Variants in PIK3CB observed in about 807,000 individuals in gnomAD.
PIK3CB encodes the protein phosphatidylinositol 4,5-bisphosphate 3-kinase catalytic subunit beta isoform.
In PIK3CB, 39 loss-of-function variants were observed where a neutral mutation model predicts 136.8. The observed-to-expected ratio is 0.29, with a 90% confidence interval of 0.22 to 0.37. The LOEUF (loss-of-function observed/expected upper bound fraction) is 0.37, where lower values mean the gene tolerates loss of function less well. Ranked by LOEUF, PIK3CB falls within the 10% of genes least tolerant of loss-of-function variation. The pLI is 1.00. For synonymous variants in PIK3CB, 428 were observed against 436.6 expected (o/e 0.98, Z 0.25); for missense variants, 868 against 1,275.4 (o/e 0.68, Z 4.87).
At chr3:138,743,423 G>T (rs554081576) in intron 4 of PIK3CB, among the ~76,000 whole-genome samples, 2 of 152,130 alleles carry the variant, frequency 1.3e-5, no homozygotes, top group South Asian at 4.2e-4. Flanking sequence ...TTTTTAAATG[G>T]TTATCATATA....
At chr3:138,783,090 C>T (rs2045939031) in intron 2 of PIK3CB, among the ~76,000 whole-genome samples, 2 of 152,200 alleles carry the variant, frequency 1.3e-5, no homozygotes, top group South Asian at 4.1e-4. Flanking sequence ...TCATTCACTC[C>T]TGCTGAAGCT....
chr3:138,678,437 CT>C (rs2108467325), intron 19 of PIK3CB, among the ~76,000 whole-genome samples: 1 of 151,732 alleles, frequency 6.6e-6, no homozygotes, highest in Admixed American at 6.6e-5. Context: ...TTTAAAACCC[CT>C]ATCAATCCAA....
intron 1 of PIK3CB, among the ~76,000 whole-genome samples, chr3:138,831,504 T>C (rs1230276525): frequency 6.6e-6 from 1 of 151,914 alleles, no homozygotes; most frequent in Non-Finnish European, 1.5e-5. Flanking sequence ...AAGAATTGTT[T>C]GAACCGGGGA....
At chr3:138,752,382 G>A (rs1353451857) in intron 4 of PIK3CB, among the ~76,000 whole-genome samples, 1 of 152,088 alleles carries the variant, frequency 6.6e-6, no homozygotes, top group African/African-American at 2.4e-5. Flanking sequence ...TTTCCCAGGA[G>A]GCATGGCCTC....
chr3:138,785,855 T>C (rs2045976798), intron 2 of PIK3CB, among the ~76,000 whole-genome samples: 1 of 150,746 alleles, frequency 6.6e-6, no homozygotes, highest in Non-Finnish European at 1.5e-5. Flanking sequence ...AATGCTTATC[T>C]GAGGATATGA....
intron 16 of PIK3CB, among the ~76,000 whole-genome samples, chr3:138,686,686 G>GAAA: frequency 6.6e-6 from 1 of 152,164 alleles, no homozygotes; most frequent in South Asian, 2.1e-4. Flanking sequence ...AATGTGGCTT[G>GAAA]AAATTCCATG....
At chr3:138,825,553 C>A in intron 1 of PIK3CB, 2 of 649,656 alleles carry the variant, frequency 3.1e-6, no homozygotes, top group Middle Eastern at 4.4e-4. Context: ...CATGCTGAAG[C>A]CAAGTGATAA....
intron 8 of PIK3CB, among the ~76,000 whole-genome samples, chr3:138,717,548 T>C (rs1053513376): frequency 6.6e-5 from 10 of 152,090 alleles, no homozygotes; most frequent in Admixed American, 5.9e-4. Context: ...TTTTAAACTT[T>C]CATTTTAGGT....
At chr3:138,806,336 A>C (rs947231616) in intron 1 of PIK3CB, among the ~76,000 whole-genome samples, 1 of 152,054 alleles carries the variant, frequency 6.6e-6, no homozygotes, top group Non-Finnish European at 1.5e-5. Flanking sequence ...AAATACAAAA[A>C]TTAGCCAGGT....
chr3:138,798,164 C>CT (rs925701804), intron 1 of PIK3CB, among the ~76,000 whole-genome samples: 5 of 151,776 alleles, frequency 3.3e-5, no homozygotes, highest in South Asian at 2.1e-4. Context: ...ATTTATTTAT[C>CT]TTTTTTTTCT....
chr3:138,728,635 C>A (rs1039962947), intron 8 of PIK3CB, among the ~76,000 whole-genome samples: 1 of 151,804 alleles, frequency 6.6e-6, no homozygotes, highest in Non-Finnish European at 1.5e-5. Flanking sequence ...AAAACATTAG[C>A]CAGGCATGGT....
At chr3:138,832,040 C>T (rs1934061616) in intron 1 of PIK3CB, among the ~76,000 whole-genome samples, 1 of 152,220 alleles carries the variant, frequency 6.6e-6, no homozygotes, top group Non-Finnish European at 1.5e-5. Context: ...AGCCTTTTCA[C>T]AGTGGCTAGC....
chr3:138,825,861 A>G, intron 1 of PIK3CB: 2 of 1,400,244 alleles, frequency 1.4e-6, no homozygotes, highest in Admixed American at 1.9e-5. Flanking sequence ...CCTGCAGACA[A>G]TGTGGACTTC....
chr3:138,766,214 A>AT (rs2108752096), intron 2 of PIK3CB, among the ~76,000 whole-genome samples: 1 of 152,258 alleles, frequency 6.6e-6, no homozygotes, highest in African/African-American at 2.4e-5. Flanking sequence ...TAAAACTGCT[A>AT]TTTTCAGGAT....
rs2043147309 is a variant in PIK3CB at position 138,653,527 on chromosome 3, C to T, written c.*1862G>A. ...TGGCAGTGTTCACCATTCTCCAAACCACTGACCTGCGGCCTGGTTCATGAA... is the reference window on the plus strand; with the variant it reads ...TGGCAGTGTTCACCATTCTCCAAACTACTGACCTGCGGCCTGGTTCATGAA... On this transcript the variant is annotated 3_prime_UTR_variant, in exon 24 of 24. Coordinates refer to ENST00000674063, the MANE Select transcript of PIK3CB (RefSeq NM_006219.3). The T allele has an allele frequency of 5.5e-6, 1 of 181,886 alleles. No individual in the cohort carries two copies. Among genetic ancestry groups the T allele is most frequent in the African/African-American group, 2.4e-5 (1 of 42,428 alleles). The allele number at this position is 181,886 out of a possible 1,614,324, so 11.3% of individuals were successfully genotyped here.
rs541152307 is a variant in PIK3CB at position 138,690,357 on chromosome 3, G to A, written c.2036+643C>T. On this transcript the variant is annotated intron_variant, in intron 15 of 23. Transcript: ENST00000674063. ...AGCACTATGAAGTCCAGATTGGGAGGGAAAAAAAATGTCTGAGTACAGAGT... is the reference window on the plus strand; with the variant it reads ...AGCACTATGAAGTCCAGATTGGGAGAGAAAAAAAATGTCTGAGTACAGAGT... 3.1e-4 allele frequency among the ~76,000 whole-genome samples: 47 copies of A among 151,142 alleles called. No homozygotes were observed. In the South Asian group the frequency reaches 9.4e-3, roughly 30 times the overall value.
intron 10 of PIK3CB, 50 bp downstream of exon 10, chr3:138,712,158 G>T: frequency 1.2e-6 from 1 of 864,730 alleles, no homozygotes. Context: ...TAGTCCACAT[G>T]CCAAAAGTTA....
chr3:138,744,420 AAAGG>A (rs1559856891), intron 4 of PIK3CB, among the ~76,000 whole-genome samples: 10 of 146,154 alleles, frequency 6.8e-5, no homozygotes, highest in Non-Finnish European at 1.1e-4. Flanking sequence ...AAAAAAAAAA[AAAGG>A]AAGTGGATCA....
intron 5 of PIK3CB, among the ~76,000 whole-genome samples, chr3:138,740,467 A>T (rs2045220661): frequency 6.6e-6 from 1 of 152,212 alleles, no homozygotes; most frequent in African/African-American, 2.4e-5. Flanking sequence ...GCCCAAACAG[A>T]CTAAGACAGT....
Sources: allele counts gnomAD v4.1 joint callset (sites outside exome capture counted in the v4.1 genomes callset), GRCh38; gene constraint gnomAD v4.1.1; transcripts MANE v1.5; gene names NCBI Gene and HGNC (gene_info 2026-07-23, HGNC 2026-07-21).